PPP1R9A: variants seen among roughly 807,000 people sequenced by gnomAD.
PPP1R9A encodes the protein neurabin-1.
Under a neutral mutation model 141.9 loss-of-function variants are expected in PPP1R9A, and 59 were observed. That is an observed-to-expected ratio of 0.42 (90% confidence interval 0.34 to 0.52). The LOEUF (loss-of-function observed/expected upper bound fraction) is 0.52. Ranked by LOEUF, PPP1R9A falls within the 20% of genes least tolerant of loss-of-function variation. PPP1R9A has a pLI of 0.10. For missense variants in PPP1R9A, 1,444 were observed against 1,611.9 expected (o/e 0.90, Z 1.78); for synonymous variants, 500 against 569.7 (o/e 0.88, Z 1.74).
Position 94,950,357 on chromosome 7 carries a change from T to A in PPP1R9A, c.1395+38849T>A, listed in dbSNP as rs541714146. The stretch of plus-strand genomic sequence containing the variant: ...TTTTCTGTCATGATGCTTTATTTGC[T>A]TTATTTCTATGTCACAAACTGATTT... On this transcript the variant is annotated intron_variant, in intron 2 of 19. Transcript: ENST00000433360. 2.6e-5 allele frequency among the ~76,000 whole-genome samples: 4 copies of A among 152,238 alleles called. No homozygotes were observed. In the South Asian group the frequency reaches 8.3e-4, roughly 32 times the overall value.
intron 5 of PPP1R9A, among the ~76,000 whole-genome samples, chr7:95,170,341 A>G (rs1376995285): frequency 1.3e-5 from 2 of 151,640 alleles, no homozygotes; most frequent in African/African-American, 4.8e-5. Flanking sequence ...AATTTTTCAA[A>G]TTTGATGAAA....
chr7:94,933,003 T>C (rs1794343746), intron 2 of PPP1R9A, among the ~76,000 whole-genome samples: 1 of 152,006 alleles, frequency 6.6e-6, no homozygotes, highest in African/African-American at 2.4e-5. Context: ...ATATAGATTT[T>C]CTCTGACAAT....
chr7:95,249,362 G>A (rs962331812), intron 9 of PPP1R9A, among the ~76,000 whole-genome samples: 1 of 152,072 alleles, frequency 6.6e-6, no homozygotes, highest in Non-Finnish European at 1.5e-5. Context: ...ATCACCAAAA[G>A]GGTTAAAAGC....
chr7:95,283,501 G>T (rs2115681161), intron 16 of PPP1R9A, among the ~76,000 whole-genome samples: 1 of 152,232 alleles, frequency 6.6e-6, no homozygotes, highest in South Asian at 2.1e-4. Flanking sequence ...CTAAGATTCT[G>T]GTGAAAAACC....
chr7:95,234,276 C>T (rs1013408336), intron 8 of PPP1R9A, among the ~76,000 whole-genome samples: 2 of 152,098 alleles, frequency 1.3e-5, no homozygotes, highest in Non-Finnish European at 2.9e-5. Flanking sequence ...ACCTAAAAAA[C>T]TATAAAGACT....
intron 8 of PPP1R9A, among the ~76,000 whole-genome samples, chr7:95,238,502 C>T (rs1797017712): frequency 6.6e-6 from 1 of 152,100 alleles, no homozygotes. Context: ...TGCTTCAGAT[C>T]CTCAGTTTTC....
chr7:95,125,105 T>A (rs1424392751), intron 4 of PPP1R9A, among the ~76,000 whole-genome samples: 1 of 152,172 alleles, frequency 6.6e-6, no homozygotes, highest in Admixed American at 6.6e-5. Context: ...GGGTGCTCAA[T>A]AAATATTTGT....
rs1282172718 is a variant in PPP1R9A at position 95,248,913 on chromosome 7, A to G, written c.2167-1113A>G. 3.3e-5 allele frequency among the ~76,000 whole-genome samples: 5 copies of G among 152,310 alleles called. 1 individual carries two copies. Among genetic ancestry groups the G allele is most frequent in the African/African-American group, 1.2e-4 (5 of 41,582 alleles). On this transcript the variant is annotated intron_variant, in intron 9 of 19. Transcript: ENST00000433360. ...AAAACATAGATGTGTGTGTATATAA[A>G]TACATGTTTACTTTTGCTAAGTGCT...
At chr7:95,180,547 A>G (rs1833587136) in intron 5 of PPP1R9A, among the ~76,000 whole-genome samples, 1 of 152,210 alleles carries the variant, frequency 6.6e-6, no homozygotes. Context: ...TAAACTAAAG[A>G]GATTTTGCAC....
intron 4 of PPP1R9A, among the ~76,000 whole-genome samples, chr7:95,127,582 T>C (rs532081225): frequency 1.3e-5 from 2 of 151,942 alleles, no homozygotes; most frequent in South Asian, 2.1e-4. Flanking sequence ...TATTGTGTCA[T>C]GCTAAGGTGT....
chr7:95,002,162 T>C (rs1288780393), intron 2 of PPP1R9A, among the ~76,000 whole-genome samples: 2 of 152,172 alleles, frequency 1.3e-5, no homozygotes, highest in African/African-American at 4.8e-5. Context: ...CCCCCAGTGA[T>C]TAAGAGGCCA....
chr7:95,077,680 G>T (rs1051644720), intron 2 of PPP1R9A, among the ~76,000 whole-genome samples: 1 of 152,140 alleles, frequency 6.6e-6, no homozygotes, highest in Admixed American at 6.5e-5. Context: ...TATAAGGGAG[G>T]TATGTAAGAA....
chr7:95,089,946 T>G (rs1192149201), intron 2 of PPP1R9A, among the ~76,000 whole-genome samples: 3 of 151,948 alleles, frequency 2.0e-5, no homozygotes, highest in African/African-American at 7.3e-5. Context: ...ATTATTATTA[T>G]GTTTCTCAGC....
At chr7:95,218,621 C>T (rs930847145) in intron 7 of PPP1R9A, among the ~76,000 whole-genome samples, 1 of 151,850 alleles carries the variant, frequency 6.6e-6, no homozygotes, top group Non-Finnish European at 1.5e-5. Flanking sequence ...TTGTAGATCT[C>T]TAAGGACTTG....
chr7:95,268,232 T>G (rs1801604314), intron 12 of PPP1R9A, among the ~76,000 whole-genome samples: 1 of 152,142 alleles, frequency 6.6e-6, no homozygotes, highest in Non-Finnish European at 1.5e-5. Context: ...TCATCTAACT[T>G]CCCAACATGC....
At chr7:95,149,543 A>AT (rs1419264665) in intron 4 of PPP1R9A, among the ~76,000 whole-genome samples, 1 of 152,036 alleles carries the variant, frequency 6.6e-6, no homozygotes, top group Non-Finnish European at 1.5e-5. Context: ...ATACAAGCTT[A>AT]TTATACAAAA....
intron 9 of PPP1R9A, 122 bp from the exon 10 acceptor site, chr7:95,249,904 C>T: frequency 5.3e-6 from 7 of 1,313,966 alleles, no homozygotes; most frequent in Non-Finnish European, 7.1e-6. Flanking sequence ...CTTTTCTCAT[C>T]TCAAGTGGAT....
intron 2 of PPP1R9A, among the ~76,000 whole-genome samples, chr7:94,924,710 C>T (rs1969500): frequency 1.3e-5 from 2 of 151,790 alleles, no homozygotes; most frequent in Admixed American, 6.6e-5. Context: ...TTCTTTTTTT[C>T]GTAGAGACGG....
chr7:95,264,686 T>C lies in PPP1R9A; in HGVS notation c.2666-3864T>C, dbSNP rs1472149747. On this transcript the variant is annotated intron_variant, in intron 12 of 19. Coordinates refer to ENST00000433360, the MANE Select transcript of PPP1R9A (RefSeq NM_001166160.2). ...CATTAGCTACTTCATATCTTCTGTGTATTTATCTGTCTGTATTTATTGATT... is the reference window on the plus strand; with the variant it reads ...CATTAGCTACTTCATATCTTCTGTGCATTTATCTGTCTGTATTTATTGATT... Among the ~76,000 whole-genome samples, 3 of 152,214 alleles carry C rather than the reference T, an allele frequency of 2.0e-5. No individual in the cohort carries two copies. The East Asian group carries it at 5.8e-4, about 29-fold the overall frequency.
Sources: gnomAD v4.1 joint callset for allele counts (sites outside exome capture counted in the v4.1 genomes callset) on GRCh38, gnomAD v4.1.1 for gene constraint, MANE v1.5 for transcripts, NCBI Gene and HGNC (gene_info 2026-07-23, HGNC 2026-07-21) for gene names.